RAB38: variants seen among roughly 807,000 people sequenced by gnomAD.
The protein encoded by RAB38 is ras-related protein Rab-38.
In RAB38, 15 loss-of-function variants were observed where a neutral mutation model predicts 18.4. The observed-to-expected ratio is 0.82, with a 90% CI of 0.55 to 1.26. The LOEUF is 1.26. Among genes scored for constraint, RAB38 ranks in the 50% most tolerant of loss-of-function variants. The pLI is 0.00. For missense variants in RAB38, 294 were observed against 267.4 expected, an observed-to-expected ratio of 1.10 and a Z score of -0.69; for synonymous variants, 101 against 104.4, an observed-to-expected ratio of 0.97 and a Z score of 0.20.
chr11:88,003,996 TATATAA>T, the RAB38 span, among the ~76,000 whole-genome samples: 1,372 of 132,586 alleles, frequency 0.01, 30 homozygotes, highest in African/African-American at 0.036. Flanking sequence ...GGTATATATA[TATATAA>T]AAAAGGTATA....
the RAB38 span, among the ~76,000 whole-genome samples, chr11:87,880,727 A>G: frequency 6.6e-6 from 1 of 151,844 alleles, no homozygotes; most frequent in African/African-American, 2.4e-5. Context: ...GTTCAAAAGA[A>G]ACTACTTTTC....
At chr11:87,887,549 A>C in the RAB38 span, among the ~76,000 whole-genome samples, 1 of 152,000 alleles carries the variant, frequency 6.6e-6, no homozygotes, top group Non-Finnish European at 1.5e-5. Flanking sequence ...AGGGCAAATT[A>C]TTTAATGTCT....
the RAB38 span, among the ~76,000 whole-genome samples, chr11:87,913,964 A>G: frequency 1.3e-5 from 2 of 152,108 alleles, no homozygotes; most frequent in Non-Finnish European, 2.9e-5. Context: ...TTTAGAGATA[A>G]CCTAGTTTTG....
chr11:88,027,316 G>A, the RAB38 span, among the ~76,000 whole-genome samples: 1 of 152,142 alleles, frequency 6.6e-6, no homozygotes, highest in Admixed American at 6.5e-5. Flanking sequence ...GGTGATTTCT[G>A]CATTTCCATC....
the RAB38 span, among the ~76,000 whole-genome samples, chr11:88,064,733 T>C: frequency 6.6e-6 from 1 of 152,246 alleles, no homozygotes; most frequent in East Asian, 1.9e-4. Context: ...ATTATGTACA[T>C]GAAATTTTCT....
chr11:87,919,933 A>G, the RAB38 span, among the ~76,000 whole-genome samples: 1 of 151,928 alleles, frequency 6.6e-6, no homozygotes, highest in East Asian at 1.9e-4. Context: ...AAATTCACCT[A>G]CCCTAAGTAA....
chr11:87,969,638 ACCT>A, the RAB38 span, among the ~76,000 whole-genome samples: 1 of 152,120 alleles, frequency 6.6e-6, no homozygotes, highest in Admixed American at 6.6e-5. Context: ...CTGGAAATAG[ACCT>A]CATTTGGTCT....
At chr11:88,033,084 C>T in the RAB38 span, among the ~76,000 whole-genome samples, 1 of 151,400 alleles carries the variant, frequency 6.6e-6, no homozygotes, top group African/African-American at 2.4e-5. Context: ...GTAGGGACAT[C>T]GATGAAATTG....
At chr11:87,817,270 A>C in the RAB38 span, 1 of 152,118 alleles carries the variant, frequency 6.6e-6, no homozygotes, top group Non-Finnish European at 1.5e-5. Flanking sequence ...AAGACTCCTG[A>C]AGGATTTAAA....
the RAB38 span, among the ~76,000 whole-genome samples, chr11:87,851,689 A>C: frequency 6.6e-6 from 1 of 152,164 alleles, no homozygotes; most frequent in African/African-American, 2.4e-5. Flanking sequence ...TATGAGGTTG[A>C]AGTTGTTGTA....
chr11:88,037,763 ATCT>A, the RAB38 span, among the ~76,000 whole-genome samples: 14 of 152,094 alleles, frequency 9.2e-5, no homozygotes, highest in Non-Finnish European at 1.9e-4. Flanking sequence ...ATCAGTTCAT[ATCT>A]TATTATTAAT....
chr11:87,876,576 C>A, the RAB38 span, among the ~76,000 whole-genome samples: 1 of 151,492 alleles, frequency 6.6e-6, no homozygotes, highest in Non-Finnish European at 1.5e-5. Context: ...CTTTAGAAAG[C>A]TTCTAGGACT....
chr11:88,144,127 C>T (rs1942951634), intron 2 of RAB38, among the ~76,000 whole-genome samples: 1 of 152,198 alleles, frequency 6.6e-6, no homozygotes, highest in Non-Finnish European at 1.5e-5. Flanking sequence ...CTATTAAACA[C>T]AGCCATCATT....
the RAB38 span, among the ~76,000 whole-genome samples, chr11:87,909,925 G>A: frequency 6.6e-6 from 1 of 151,892 alleles, no homozygotes; most frequent in East Asian, 1.9e-4. Flanking sequence ...TAAATAACAC[G>A]GAGTGGAATA....
chr11:87,849,933 A>G, the RAB38 span, among the ~76,000 whole-genome samples: 3 of 152,138 alleles, frequency 2.0e-5, no homozygotes, highest in African/African-American at 7.2e-5. Context: ...TTCTGGTTCA[A>G]GGAGGCTTGA....
At chr11:88,144,015 T>G (rs1942950726) in intron 2 of RAB38, among the ~76,000 whole-genome samples, 1 of 152,186 alleles carries the variant, frequency 6.6e-6, no homozygotes, top group African/African-American at 2.4e-5. Flanking sequence ...TATTCCCAAC[T>G]TCAGAAAACA....
the RAB38 span, among the ~76,000 whole-genome samples, chr11:88,067,548 A>G: frequency 6.6e-6 from 1 of 152,234 alleles, no homozygotes; most frequent in African/African-American, 2.4e-5. Context: ...ATGGAAAGAC[A>G]TTAAGCTTGG....
the RAB38 span, among the ~76,000 whole-genome samples, chr11:88,066,789 G>A: frequency 2.0e-5 from 3 of 152,008 alleles, no homozygotes; most frequent in Non-Finnish European, 4.4e-5. Context: ...ATTTCTCATC[G>A]AGGTATAGTT....
the RAB38 span, among the ~76,000 whole-genome samples, chr11:88,097,047 A>G: frequency 3.3e-5 from 5 of 151,932 alleles, no homozygotes; most frequent in Non-Finnish European, 5.9e-5. Context: ...TATACAAGAA[A>G]AAAAAGAGAT....
Sources: gnomAD v4.1 joint callset for allele counts (sites outside exome capture counted in the v4.1 genomes callset) on GRCh38, gnomAD v4.1.1 for gene constraint, MANE v1.5 for transcripts, NCBI Gene and HGNC (gene_info 2026-07-23, HGNC 2026-07-21) for gene names.